The following RBM20 variants were observed in gnomAD, a reference collection of about 807,000 sequenced individuals.
RBM20 encodes RNA-binding protein 20.
A neutral mutation model predicts 110.1 loss-of-function variants in RBM20; 51 were observed. The ratio of observed to expected loss-of-function variants is 0.46; its 90% CI spans 0.37 to 0.59. The LOEUF (loss-of-function observed/expected upper bound fraction) is 0.59. RBM20 is among the 20% of genes least tolerant of loss of function. RBM20 has a pLI of 0.00. For missense variants in RBM20, 1,512 were observed against 1,574.9 expected, an observed-to-expected ratio of 0.96 and a Z score of 0.68; for synonymous variants, 589 against 618.2, an observed-to-expected ratio of 0.95 and a Z score of 0.70.
At chr10:110,743,977 A>G (rs1843749938) in intron 1 of RBM20, among the ~76,000 whole-genome samples, 1 of 151,996 alleles carries the variant, frequency 6.6e-6, no homozygotes, top group South Asian at 2.1e-4. Context: ...CACTAGAGAA[A>G]TTTTTCAGTG....
In RBM20 at chr10:110,836,581, C is replaced by T. The variant is rs918055932; in HGVS notation, c.*603C>T. On this transcript the variant is annotated 3_prime_UTR_variant, in exon 14 of 14. Transcript: ENST00000369519. ...GGTCTTCATTAACCTCTTCCTCCAA[C>T]TGGGCCACCCTTTTGAAAAGCCCCT... is the stretch of plus-strand genomic sequence containing the variant. 2.0e-5 allele frequency: 3 copies of T among 152,210 alleles called. No homozygotes were observed. Among genetic ancestry groups the T allele is most frequent in the African/African-American group, 7.2e-5 (3 of 41,436 alleles). 9.4% of individuals were successfully genotyped at this position (152,210 alleles called of 1,614,324 possible).
At chr10:110,697,022 C>CT (rs1390736986) in intron 1 of RBM20, among the ~76,000 whole-genome samples, 1 of 152,112 alleles carries the variant, frequency 6.6e-6, no homozygotes, top group Non-Finnish European at 1.5e-5. Flanking sequence ...TTGTTGGGGA[C>CT]TTTTTTAGAC....
intron 5 of RBM20, among the ~76,000 whole-genome samples, chr10:110,787,954 A>T (rs1844440497): frequency 6.6e-6 from 1 of 152,212 alleles, no homozygotes; most frequent in Admixed American, 6.5e-5. Context: ...GTTTTGTATT[A>T]GCTCATTTAG....
Position 110,796,043 on chromosome 10 carries a change from GCCCTAAAC to G in RBM20, c.1528-1463_1528-1456del, listed in dbSNP as rs368564653. 4.7e-3 allele frequency among the ~76,000 whole-genome samples: 717 copies of G among 152,316 alleles called. 4 individuals carry two copies. The highest frequency in any genetic ancestry group is 0.017 in the African/African-American group (689 of 41,576). On this transcript the variant is annotated intron_variant, in intron 5 of 13. Coordinates refer to ENST00000369519, the MANE Select transcript of RBM20 (RefSeq NM_001134363.3). ...AGCTAAAAATATTTCGAAAACCACT[GCCCTAAAC>G]CACAGGTTTTTGCTGTGAATATCAA...
chr10:110,671,703 CTAATT>C (rs1336834607), intron 1 of RBM20, among the ~76,000 whole-genome samples: 3 of 151,232 alleles, frequency 2.0e-5, no homozygotes, highest in Non-Finnish European at 4.4e-5. Flanking sequence ...TTTTAAAAAA[CTAATT>C]TAATAGAAGT....
At chr10:110,677,310 CT>C (rs1416043293) in intron 1 of RBM20, among the ~76,000 whole-genome samples, 3 of 120,552 alleles carry the variant, frequency 2.5e-5, no homozygotes, top group South Asian at 6.1e-4. Context: ...AAGGCCCTAT[CT>C]TTTTTTCTTT....
intron 1 of RBM20, among the ~76,000 whole-genome samples, chr10:110,666,046 AAGC>A (rs139265704): frequency 0.052 from 7,969 of 152,002 alleles, 316 homozygotes; most frequent in East Asian, 0.18. Context: ...GAAAGAAAGA[AAGC>A]AGTTATACTC....
Position 110,812,259 on chromosome 10 carries a change from C to T in RBM20, c.1881-19C>T, listed in dbSNP as rs574049321. On this transcript the variant is annotated intron_variant, in intron 8 of 13. Transcript: ENST00000369519. ...GGAGGTGTGAAGATTCTAAATCCTGCTCCTTGGCTCCCTCACAGATATGGC... is the reference window on the plus strand; with the variant it reads ...GGAGGTGTGAAGATTCTAAATCCTGTTCCTTGGCTCCCTCACAGATATGGC... 15 of 1,526,078 alleles carry T rather than the reference C, an allele frequency of 9.8e-6. No homozygotes were observed. In the African/African-American group the frequency reaches 2.1e-4, roughly 21 times the overall value. The allele number at this position is 1,526,078 out of a possible 1,614,324, so 94.5% of individuals were successfully genotyped here.
chr10:110,810,587 T>C (rs1234226147), intron 8 of RBM20, 125 bp downstream of exon 8: 2 of 608,976 alleles, frequency 3.3e-6, no homozygotes, highest in Non-Finnish European at 5.7e-6. Context: ...ATCCATCTGC[T>C]TTTCTGGGTC....
At chr10:110,762,808 G>A (rs190523975) in intron 1 of RBM20, among the ~76,000 whole-genome samples, 3 of 152,338 alleles carry the variant, frequency 2.0e-5, no homozygotes, top group African/African-American at 7.2e-5. Context: ...GATGTGTGTG[G>A]TGGGGCGCTT....
At chr10:110,713,103 C>G (rs1323852414) in intron 1 of RBM20, among the ~76,000 whole-genome samples, 1 of 152,160 alleles carries the variant, frequency 6.6e-6, no homozygotes, top group Non-Finnish European at 1.5e-5. Flanking sequence ...CTCTTTAGGG[C>G]TTTTAGTGTG....
chr10:110,776,758 C>A (rs1415047794), intron 1 of RBM20, among the ~76,000 whole-genome samples: 2 of 152,218 alleles, frequency 1.3e-5, no homozygotes, highest in African/African-American at 4.8e-5. Context: ...ATATTCACAG[C>A]CTCTGTGGGT....
intron 1 of RBM20, among the ~76,000 whole-genome samples, chr10:110,659,232 T>C (rs1187916982): frequency 6.6e-6 from 1 of 152,218 alleles, no homozygotes; most frequent in Non-Finnish European, 1.5e-5. Flanking sequence ...CTGAAAGGGC[T>C]AGACAGACAT....
At chr10:110,831,021 C>A (rs1375229115) in intron 12 of RBM20, 40 bp from the exon 13 acceptor site, 2 of 1,518,926 alleles carry the variant, frequency 1.3e-6, no homozygotes, top group East Asian at 2.5e-5. Flanking sequence ...GCCTCCCATG[C>A]CATCCTAACC....
At chr10:110,732,813 C>T (rs1472105292) in intron 1 of RBM20, among the ~76,000 whole-genome samples, 1 of 152,164 alleles carries the variant, frequency 6.6e-6, no homozygotes, top group Non-Finnish European at 1.5e-5. Context: ...AAATCATTGA[C>T]TGTGTTGACC....
At chr10:110,702,498 T>C (rs552016205) in intron 1 of RBM20, among the ~76,000 whole-genome samples, 1 of 152,284 alleles carries the variant, frequency 6.6e-6, no homozygotes, top group Admixed American at 6.5e-5. Context: ...ATGGCGACCG[T>C]GCACTGCAGC....
intron 5 of RBM20, among the ~76,000 whole-genome samples, chr10:110,789,938 A>C (rs766326722): frequency 2.6e-5 from 4 of 152,180 alleles, no homozygotes; most frequent in South Asian, 4.2e-4. Flanking sequence ...CCCGAGGTGC[A>C]CTTTCTCTGT....
At chr10:110,726,224 G>A (rs372285793) in intron 1 of RBM20, among the ~76,000 whole-genome samples, 3 of 152,114 alleles carry the variant, frequency 2.0e-5, no homozygotes, top group East Asian at 3.8e-4. Flanking sequence ...TGGGTTTCAG[G>A]GCTGCTGTGG....
intron 1 of RBM20, among the ~76,000 whole-genome samples, chr10:110,646,601 C>T (rs1861871557): frequency 1.3e-5 from 2 of 152,192 alleles, no homozygotes; most frequent in Admixed American, 1.3e-4. Flanking sequence ...TTCAGTCTTT[C>T]TTTACAAGGA....
Sources: allele counts gnomAD v4.1 joint callset (sites outside exome capture counted in the v4.1 genomes callset), GRCh38; gene constraint gnomAD v4.1.1; transcripts MANE v1.5; gene names NCBI Gene and HGNC (gene_info 2026-07-23, HGNC 2026-07-21).